DHRSX: variants seen among roughly 807,000 people sequenced by gnomAD.
DHRSX encodes the protein dehydrogenase/reductase X-linked.
In DHRSX, 31 loss-of-function variants were observed where a neutral mutation model predicts 34.0. The observed-to-expected ratio is 0.91, with a 90% CI of 0.69 to 1.23. The LOEUF (loss-of-function observed/expected upper bound fraction) is 1.23. DHRSX is among the 50% of genes most tolerant of loss of function. The pLI is 0.00. For missense variants in DHRSX, 414 were observed against 428.1 expected (o/e 0.97, Z 0.29); for synonymous variants, 201 against 183.8 (o/e 1.09, Z -0.76).
chrX:2,403,433 A>C lies in DHRSX; in HGVS notation c.286+5312T>G, dbSNP rs181115775. On this transcript the variant is annotated intron_variant, in intron 3 of 6. Coordinates refer to ENST00000334651, the MANE Select transcript of DHRSX (RefSeq NM_145177.3). ...AAGGCCATCGGTATTTATATGCCAC[A>C]AGTAAACTAACATTTTTTAATGGTG... Among the ~76,000 whole-genome samples the C allele has an allele frequency of 6.6e-5, 10 of 152,326 alleles. No homozygotes were observed. The East Asian group carries it at 1.7e-3, about 26-fold the overall frequency.
intron 3 of DHRSX, among the ~76,000 whole-genome samples, chrX:2,294,076 GAGAA>G (rs1001775182): frequency 1.3e-4 from 19 of 151,940 alleles, no homozygotes; most frequent in South Asian, 1.2e-3. Context: ...GAGAGAAAGA[GAGAA>G]AGAAAGAAAG....
At chrX:2,370,320 C>T (rs186635350) in intron 3 of DHRSX, among the ~76,000 whole-genome samples, 3 of 151,988 alleles carry the variant, frequency 2.0e-5, no homozygotes, top group African/African-American at 7.2e-5. Flanking sequence ...TACAGGCACC[C>T]GCCACCATGC....
intron 6 of DHRSX, among the ~76,000 whole-genome samples, chrX:2,224,508 A>T (rs1217671243): frequency 6.6e-6 from 1 of 152,188 alleles, no homozygotes; most frequent in Non-Finnish European, 1.5e-5. Context: ...TTTCTAGAAG[A>T]CAGCAAGCGC....
intron 3 of DHRSX, among the ~76,000 whole-genome samples, chrX:2,346,891 C>T (rs1386423670): frequency 1.3e-5 from 2 of 151,900 alleles, no homozygotes; most frequent in African/African-American, 4.8e-5. Flanking sequence ...TGAGTGAGAA[C>T]ATGAGGTGTT....
At chrX:2,423,103 G>A (rs1223661235) in intron 2 of DHRSX, among the ~76,000 whole-genome samples, 6 of 148,750 alleles carry the variant, frequency 4.0e-5, no homozygotes, top group South Asian at 4.6e-4. Context: ...ACGCCCAGCC[G>A]CCAAAATAAC....
chrX:2,427,724 G>A (rs764749334), intron 1 of DHRSX, among the ~76,000 whole-genome samples: 1 of 152,294 alleles, frequency 6.6e-6, no homozygotes, highest in Admixed American at 6.5e-5. Flanking sequence ...TGAGGGAAAA[G>A]TGGATTTTGC....
chrX:2,356,893 TTGGCAA>T (rs1407467670), intron 3 of DHRSX, among the ~76,000 whole-genome samples: 17 of 152,306 alleles, frequency 1.1e-4, no homozygotes, highest in African/African-American at 3.8e-4. Flanking sequence ...GTTTATGTTA[TTGGCAA>T]GGGTTCCTGT....
intron 1 of DHRSX, among the ~76,000 whole-genome samples, chrX:2,469,436 C>T (rs1003995473): frequency 8.7e-5 from 13 of 149,126 alleles, no homozygotes; most frequent in African/African-American, 2.5e-4. Flanking sequence ...ACTGAAGACA[C>T]TCCCTAGGCA....
intron 1 of DHRSX, among the ~76,000 whole-genome samples, chrX:2,484,641 C>CAGGG (rs1218992513): frequency 5.3e-5 from 8 of 152,146 alleles, no homozygotes; most frequent in African/African-American, 1.9e-4. Context: ...GTTCACCAGG[C>CAGGG]AGGGGCATGG....
At chrX:2,487,387 C>G (rs1305022093) in intron 1 of DHRSX, 2 of 151,914 alleles carry the variant, frequency 1.3e-5, no homozygotes, top group Non-Finnish European at 2.9e-5. Context: ...TGTTTTGAGA[C>G]GGAGTCTCAC....
At chrX:2,237,141 G>A (rs1293663199) in intron 6 of DHRSX, among the ~76,000 whole-genome samples, 3 of 151,914 alleles carry the variant, frequency 2.0e-5, no homozygotes, top group Non-Finnish European at 2.9e-5. Context: ...AGCCGAGATC[G>A]CACCACTGCA....
intron 6 of DHRSX, among the ~76,000 whole-genome samples, chrX:2,228,973 G>T (rs185214035): frequency 4.5e-4 from 69 of 152,288 alleles, no homozygotes; most frequent in African/African-American, 1.6e-3. Flanking sequence ...GAGGGCAGCA[G>T]GAATGGCATC....
intron 3 of DHRSX, among the ~76,000 whole-genome samples, chrX:2,377,060 A>G (rs1445033195): frequency 6.6e-6 from 1 of 151,618 alleles, no homozygotes; most frequent in African/African-American, 2.4e-5. Flanking sequence ...CGACAAAGGC[A>G]GATACTGTAT....
rs1210566053 is a variant in DHRSX at position 2,411,332 on chromosome X, C to G, written c.218-2519G>C. On this transcript the variant is annotated intron_variant, in intron 2 of 6. Transcript: ENST00000334651. ...TTGGGAAGCCGAGGCAAGCGGATCACGAGGTCAGGAGTTCAAGACCAGCCT... is the reference window on the plus strand; with the variant it reads ...TTGGGAAGCCGAGGCAAGCGGATCAGGAGGTCAGGAGTTCAAGACCAGCCT... 2.6e-5 allele frequency among the ~76,000 whole-genome samples: 4 copies of G among 151,976 alleles called. No individual in the cohort carries two copies. In the East Asian group the frequency reaches 7.7e-4, roughly 29 times the overall value.
chrX:2,388,961 C>T (rs1292646743), intron 3 of DHRSX, among the ~76,000 whole-genome samples: 1 of 152,236 alleles, frequency 6.6e-6, no homozygotes, highest in Non-Finnish European at 1.5e-5. Flanking sequence ...ACGGCGTCTA[C>T]AAGCCAGAGA....
intron 3 of DHRSX, among the ~76,000 whole-genome samples, chrX:2,369,943 C>T (rs1478828800): frequency 6.6e-6 from 1 of 151,860 alleles, no homozygotes; most frequent in East Asian, 2.0e-4. Context: ...GTGCCCGGCC[C>T]GGACTCCCCT....
intron 3 of DHRSX, among the ~76,000 whole-genome samples, chrX:2,356,926 A>G (rs2042860771): frequency 1.3e-5 from 2 of 152,216 alleles, no homozygotes; most frequent in Non-Finnish European, 1.5e-5. Flanking sequence ...TAGGCTATTA[A>G]TAATTAAGTT....
intron 1 of DHRSX, among the ~76,000 whole-genome samples, chrX:2,472,422 C>G (rs2044607457): frequency 6.6e-6 from 1 of 152,074 alleles, no homozygotes; most frequent in Admixed American, 6.6e-5. Flanking sequence ...GTACACTAAA[C>G]CCCCAGGACA....
intron 3 of DHRSX, among the ~76,000 whole-genome samples, chrX:2,304,454 G>A (rs1489750993): frequency 6.6e-6 from 1 of 152,144 alleles, no homozygotes; most frequent in African/African-American, 2.4e-5. Context: ...CCCCAGTGCT[G>A]GAGGTGGACC....
Sources: gnomAD v4.1 joint callset for allele counts (sites outside exome capture counted in the v4.1 genomes callset) on GRCh38, gnomAD v4.1.1 for gene constraint, MANE v1.5 for transcripts, NCBI Gene and HGNC (gene_info 2026-07-23, HGNC 2026-07-21) for gene names.